Variants in PDE8B observed in about 807,000 individuals in gnomAD.
PDE8B encodes phosphodiesterase 8B.
In PDE8B, 26 loss-of-function variants were observed where a neutral mutation model predicts 101.3. That is an observed-to-expected ratio of 0.26 (90% confidence interval 0.19 to 0.36). PDE8B has a LOEUF of 0.36. Ranked by LOEUF, PDE8B falls within the 10% of genes least tolerant of loss-of-function variation. The probability of loss-of-function intolerance (pLI) is 1.00; values close to 1 mark genes in which losing one functional copy is unlikely to be tolerated. For synonymous variants in PDE8B, 424 were observed against 429.3 expected (o/e 0.99, Z 0.15); for missense variants, 810 against 1,163.1 (o/e 0.70, Z 4.42).
chr5:77,413,728 A>G (rs1794990414), intron 17 of PDE8B, among the ~76,000 whole-genome samples: 1 of 152,180 alleles, frequency 6.6e-6, no homozygotes. Context: ...TCCGCATTCT[A>G]CACTGTTTTA....
intron 1 of PDE8B, among the ~76,000 whole-genome samples, chr5:77,251,576 A>G (rs1758064771): frequency 6.6e-6 from 1 of 152,098 alleles, no homozygotes; most frequent in East Asian, 1.9e-4. Context: ...TTGGCTGTAA[A>G]TTATTTTCAG....
Position 77,404,703 on chromosome 5 carries a change from T to G in PDE8B, c.1211-17T>G. 6.7e-7 allele frequency: 1 copy of G among 1,489,170 alleles called. No individual in the cohort carries two copies. The highest frequency in any genetic ancestry group is 9.4e-7 in the Non-Finnish European group (1 of 1,066,166). 92.2% of individuals were successfully genotyped at this position (1,489,170 alleles called of 1,614,324 possible). On this transcript the variant is annotated splice_polypyrimidine_tract_variant and intron_variant, in intron 11 of 21. Transcript: ENST00000264917. ...CGGAAAACTAATCACCTTCCCTTTC[T>G]AATCTGAAATCCTTAGAGCCTCATT...
Position 77,407,853 on chromosome 5 carries a change from A to T in PDE8B, c.1365+396A>T, listed in dbSNP as rs1027335016. 2.6e-5 allele frequency among the ~76,000 whole-genome samples: 4 copies of T among 152,206 alleles called. No homozygotes were observed. The East Asian group carries it at 7.7e-4, about 29-fold the overall frequency. On this transcript the variant is annotated intron_variant, in intron 13 of 21. Transcript: ENST00000264917. ...ACTGGAACATTTAAGGAGCTGAAAG[A>T]AAGTCGGAGTGGCCGGAGCTTGGTA... is the stretch of plus-strand genomic sequence containing the variant.
At chr5:77,100,839 G>A in the PDE8B span, among the ~76,000 whole-genome samples, 7 of 152,148 alleles carry the variant, frequency 4.6e-5, no homozygotes, top group South Asian at 1.2e-3. Flanking sequence ...AGTTTCAGAA[G>A]TGTTTACAAA....
chr5:77,423,322 G>A (rs1300243613), intron 20 of PDE8B, among the ~76,000 whole-genome samples: 13 of 152,184 alleles, frequency 8.5e-5, no homozygotes. Context: ...TCATAAACAT[G>A]CAAGTACAGG....
At chr5:77,102,094 G>A in the PDE8B span, among the ~76,000 whole-genome samples, 1 of 152,248 alleles carries the variant, frequency 6.6e-6, no homozygotes, top group Non-Finnish European at 1.5e-5. Context: ...TCTTCCCTAA[G>A]TCCACCCTCA....
At chr5:77,407,582 AAC>A in intron 13 of PDE8B, 125 bp downstream of exon 13, 1 of 737,572 alleles carries the variant, frequency 1.4e-6, no homozygotes, top group Non-Finnish European at 2.4e-6. Context: ...CAGGCAAATA[AAC>A]ACATAGCAAA....
At chr5:77,421,550 A>G (rs937059866) in intron 19 of PDE8B, among the ~76,000 whole-genome samples, 7 of 152,144 alleles carry the variant, frequency 4.6e-5, no homozygotes, top group Non-Finnish European at 7.4e-5. Flanking sequence ...AATGGATGTG[A>G]GGGGTAGACA....
chr5:77,364,855 G>A (rs1255041368), intron 10 of PDE8B, among the ~76,000 whole-genome samples: 4 of 152,150 alleles, frequency 2.6e-5, no homozygotes, highest in East Asian at 3.9e-4. Flanking sequence ...GAGAAAGCAC[G>A]GGGGAGCCTG....
Position 77,210,966 on chromosome 5 carries a change from T to G in PDE8B, c.41T>G (p.Val14Gly). Residue 14 changes from valine to glycine, a missense_variant, in exon 1 of 22, where the codon GTG becomes GGG. Val to Gly is a moderately radical substitution (Grantham distance 109). Coordinates refer to ENST00000264917, the MANE Select transcript of PDE8B (RefSeq NM_003719.5). This position sits in a 1 kb window ranked among gnomAD's most constrained non-coding sequence, Gnocchi z 4.9. Reference sequence around the variant, plus strand: ...AGCATCCATGTCTCGCAGAGCGGCGTGATCTACTGCCGGGACTCGGACGAG... The same window carrying G: ...AGCATCCATGTCTCGCAGAGCGGCGGGATCTACTGCCGGGACTCGGACGAG... Reference protein sequence around the residue: ...APSIHVSQSGVIYCRDSDESS... With the variant: ...APSIHVSQSGGIYCRDSDESS... 1 of 1,531,660 alleles carries G rather than the reference T, an allele frequency of 6.5e-7. No individual in the cohort carries two copies. Among genetic ancestry groups the G allele is most frequent in the Non-Finnish European group, 8.7e-7 (1 of 1,148,986 alleles). 94.9% of individuals were successfully genotyped at this position (1,531,660 alleles called of 1,614,324 possible).
rs1769140025 is a variant in PDE8B, at chr5:77,298,512, C to G, written c.340-13482C>G. ...CACCCCTGGAGGGGGCGAGGCAAGTCTTTCTGTTACAAAGATGCAGATTTC... is the reference window on the plus strand; with the variant it reads ...CACCCCTGGAGGGGGCGAGGCAAGTGTTTCTGTTACAAAGATGCAGATTTC... On this transcript the variant is annotated intron_variant, in intron 1 of 21. Coordinates refer to ENST00000264917, the MANE Select transcript of PDE8B (RefSeq NM_003719.5). 2.0e-5 allele frequency among the ~76,000 whole-genome samples: 3 copies of G among 152,196 alleles called. No individual in the cohort carries two copies. The South Asian group carries it at 6.2e-4, about 32-fold the overall frequency.
At chr5:77,301,105 C>T (rs1044184372) in intron 1 of PDE8B, among the ~76,000 whole-genome samples, 8 of 152,096 alleles carry the variant, frequency 5.3e-5, no homozygotes, top group African/African-American at 1.9e-4. Context: ...ACACCAGAGT[C>T]GGGAAAGTGA....
intron 2 of PDE8B, among the ~76,000 whole-genome samples, chr5:77,319,870 C>T (rs1473296977): frequency 6.6e-6 from 1 of 152,228 alleles, no homozygotes; most frequent in Admixed American, 6.5e-5. Flanking sequence ...CGTATCGTAA[C>T]TTATACAACT....
At chr5:77,164,417 T>A in the PDE8B span, among the ~76,000 whole-genome samples, 1 of 152,236 alleles carries the variant, frequency 6.6e-6, no homozygotes, top group Non-Finnish European at 1.5e-5. Flanking sequence ...GGATGATACC[T>A]TTTGACCCAG....
chr5:77,337,820 A>G (rs1581121372), intron 6 of PDE8B, among the ~76,000 whole-genome samples: 1 of 152,192 alleles, frequency 6.6e-6, no homozygotes, highest in Non-Finnish European at 1.5e-5. Flanking sequence ...TTACAAGCAT[A>G]TAGTGTTTTA....
At chr5:77,212,130 C>G (rs1748580442) in intron 1 of PDE8B, among the ~76,000 whole-genome samples, 1 of 152,092 alleles carries the variant, frequency 6.6e-6, no homozygotes, top group African/African-American at 2.4e-5. Context: ...TCTCAAAGTA[C>G]CGTTAAATCC....
intron 1 of PDE8B, among the ~76,000 whole-genome samples, chr5:77,224,784 T>A (rs930224923): frequency 2.0e-5 from 3 of 152,208 alleles, no homozygotes; most frequent in Admixed American, 2.0e-4. Context: ...TTCCTCTCTT[T>A]CTTTTTCTCT....
chr5:77,428,207 A>G lies in PDE8B; in HGVS notation c.*1653A>G, dbSNP rs1160507142. The G allele has an allele frequency of 6.6e-6, 1 of 152,218 alleles. No homozygotes were observed. The highest frequency in any genetic ancestry group is 2.4e-5 in the African/African-American group (1 of 41,462). 9.4% of individuals were successfully genotyped at this position (152,218 alleles called of 1,614,324 possible). ...TTCCTACAGCCATTTTTCACTCCCA[A>G]CAGCTGTTTTTATTTTACCTCTTTG... On this transcript the variant is annotated 3_prime_UTR_variant, in exon 22 of 22. Transcript: ENST00000264917.
the PDE8B span, among the ~76,000 whole-genome samples, chr5:77,169,122 A>G: frequency 6.6e-6 from 1 of 152,222 alleles, no homozygotes; most frequent in Non-Finnish European, 1.5e-5. Context: ...ATATTTAGAC[A>G]TGGGTGTCAG....
Sources: allele counts gnomAD v4.1 joint callset (sites outside exome capture counted in the v4.1 genomes callset), GRCh38; gene constraint gnomAD v4.1.1; non-coding constraint Gnocchi (gnomAD v3.1); transcripts MANE v1.5; gene names NCBI Gene and HGNC (gene_info 2026-07-23, HGNC 2026-07-21).